OTUB1: variants seen among roughly 807,000 people sequenced by gnomAD.
The protein encoded by OTUB1 is OTU deubiquitinase, ubiquitin aldehyde binding 1.
In OTUB1, 10 loss-of-function variants were observed where a neutral mutation model predicts 35.8. The observed-to-expected ratio is 0.28, with a 90% CI of 0.17 to 0.47. OTUB1 has a LOEUF of 0.47. Among genes scored for constraint, OTUB1 ranks in the 20% least tolerant of loss-of-function variants. OTUB1 has a pLI of 0.99. For synonymous variants in OTUB1, 158 were observed against 143.8 expected (o/e 1.10, Z -0.71); for missense variants, 264 against 351.6 (o/e 0.75, Z 1.99).
chr11:63,992,154 C>G (rs1011008524), intron 3 of OTUB1, among the ~76,000 whole-genome samples: 1 of 151,422 alleles, frequency 6.6e-6, no homozygotes, highest in Non-Finnish European at 1.5e-5. Flanking sequence ...GTGGAGGTTG[C>G]GGTGAGCCGA....
rs1274054874 is a variant in OTUB1 at position 63,989,996 on chromosome 11, C to CAT, written c.219+1245_219+1246insTA. The CAT allele has an allele frequency of 1.4e-5, 2 of 143,846 alleles. 1 individual carries two copies. The highest frequency in any genetic ancestry group is 5.4e-5 in the African/African-American group (2 of 37,308). The allele number at this position is 143,846 out of a possible 1,614,324, so 8.9% of individuals were successfully genotyped here. A position where few individuals can be genotyped will look rare whatever the true frequency, so the allele number is the denominator to read the frequency against. On this transcript the variant is annotated intron_variant, in intron 3 of 6. Transcript: ENST00000538426. ...CGCTACTGCACTCCAGCCTGGGCGA[C>CAT]AGAGTGAGACTCCGTCTCAAAAAAA...
intron 3 of OTUB1, among the ~76,000 whole-genome samples, chr11:63,994,212 G>C (rs1942697612): frequency 6.6e-6 from 1 of 152,138 alleles, no homozygotes; most frequent in East Asian, 1.9e-4. Context: ...TCATGCCCGT[G>C]GTCACATGGC....
intron 4 of OTUB1, 57 bp downstream of exon 4, chr11:63,996,705 C>T (rs745606154): frequency 1.4e-5 from 23 of 1,613,364 alleles, no homozygotes; most frequent in African/African-American, 1.2e-4. Context: ...CCTCCCCGGG[C>T]GAGTAGGATG....
intron 1 of OTUB1, chr11:63,987,002 C>T (rs1166211205): frequency 1.3e-5 from 2 of 156,656 alleles, no homozygotes; most frequent in Non-Finnish European, 2.8e-5. Flanking sequence ...TGTGAGGGGC[C>T]TGCGGGATCT....
At position 63,997,849 on chromosome 11, in the gene OTUB1, C is replaced by T. The variant is rs1282055587; in HGVS notation, c.*303C>T. 11 of 682,418 alleles carry T rather than the reference C, an allele frequency of 1.6e-5. No individual in the cohort carries two copies. Among genetic ancestry groups the T allele is most frequent in the Non-Finnish European group, 2.9e-5 (11 of 374,668 alleles). The allele number at this position is 682,418 out of a possible 1,614,324, so 42.3% of individuals were successfully genotyped here. On this transcript the variant is annotated 3_prime_UTR_variant, in exon 7 of 7. Coordinates refer to ENST00000538426, the MANE Select transcript of OTUB1 (RefSeq NM_017670.3). ...TTTGAGGGGCCAGGCCTCTTGGAGG[C>T]CCCTCCTGCTTCGTTGGGTTCTGCT...
Position 63,996,944 on chromosome 11 carries a change from G to A in OTUB1, c.423+3G>A. 6.2e-7 allele frequency: 1 copy of A among 1,613,974 alleles called. No individual in the cohort carries two copies. Among genetic ancestry groups the A allele is most frequent in the Non-Finnish European group, 8.5e-7 (1 of 1,179,926 alleles). ...CAATTGAGGATTTCCACAACACGGT[G>A]AGCCCTGGTGCCTGTCTTGGGCTGG... is the stretch of plus-strand genomic sequence containing the variant. On this transcript the variant is annotated splice_donor_region_variant and intron_variant, in intron 5 of 6. Coordinates refer to ENST00000538426, the MANE Select transcript of OTUB1 (RefSeq NM_017670.3).
intron 1 of OTUB1, 22 bp from the exon 2 acceptor site, chr11:63,988,313 CTT>C (rs1942639016): frequency 1.3e-6 from 2 of 1,550,126 alleles, no homozygotes; most frequent in Non-Finnish European, 8.7e-7. Context: ...CCCCTGTAAT[CTT>C]TGGCTTTTTT....
rs1247098123 is a variant in OTUB1 at position 63,998,089 on chromosome 11, C to G, written c.*543C>G. On this transcript the variant is annotated 3_prime_UTR_variant, in exon 7 of 7. Transcript: ENST00000538426. ...GGAGGGGCCTTTGTGAGGCTGGACC[C>G]GGCTCAGGGCAGGTGGAGGAGCTGG... 2.7e-6 allele frequency: 1 copy of G among 373,344 alleles called. No individual in the cohort carries two copies. Among genetic ancestry groups the G allele is most frequent in the Non-Finnish European group, 5.0e-6 (1 of 201,740 alleles). 23.1% of individuals were successfully genotyped at this position (373,344 alleles called of 1,614,324 possible).
chr11:63,997,216 G>A lies in OTUB1; in HGVS notation c.590G>A (p.Gly197Glu). Residue 197 changes from glycine to glutamate, a missense_variant, in exon 6 of 7, where the codon GGA becomes GAA. This residue lies in a region of OTUB1 where 214 missense variants were observed against 317.1 expected (regional missense o/e 0.67). Transcript: ENST00000538426. ...SKFFEHFIEG[G>E]RTVKEFCQQE... is the part of the protein sequence containing the mutation. Reference sequence around the variant, plus strand: ...TTCTTCGAGCACTTCATCGAGGGTGGACGGACTGTCAAGGAGTTCTGCCAG... The same window carrying A: ...TTCTTCGAGCACTTCATCGAGGGTGAACGGACTGTCAAGGAGTTCTGCCAG... The A allele has an allele frequency of 6.2e-7, 1 of 1,614,220 alleles. No homozygotes were observed. Among genetic ancestry groups the A allele is most frequent in the Non-Finnish European group, 8.5e-7 (1 of 1,180,016 alleles).
intron 3 of OTUB1, among the ~76,000 whole-genome samples, chr11:63,995,933 G>A (rs1942712635): frequency 1.3e-5 from 2 of 152,088 alleles, no homozygotes; most frequent in African/African-American, 4.8e-5. Flanking sequence ...TTTGAACCCG[G>A]GAGGTGTAGG....
chr11:63,988,602 A>G (rs753897462), intron 2 of OTUB1, 52 bp from the exon 3 acceptor site: 3 of 1,408,242 alleles, frequency 2.1e-6, no homozygotes, highest in East Asian at 2.3e-5. Flanking sequence ...TCTGTTAGGC[A>G]TGGGTCACTC....
At chr11:63,994,427 AT>A (rs1256012235) in intron 3 of OTUB1, among the ~76,000 whole-genome samples, 1 of 152,008 alleles carries the variant, frequency 6.6e-6, no homozygotes, top group African/African-American at 2.4e-5. Context: ...TAATTTTTGT[AT>A]TTTTAGTAGA....
chr11:63,996,657 G>C lies in OTUB1; in HGVS notation c.338+9G>C. On this transcript the variant is annotated intron_variant, in intron 4 of 6. Transcript: ENST00000538426. Reference sequence around the variant, plus strand: ...AGCAAGGAGTTGCAGCGGTGAGAAGGGTGGGCACTGGGCACCGAGGCAGGT... The same window carrying C: ...AGCAAGGAGTTGCAGCGGTGAGAAGCGTGGGCACTGGGCACCGAGGCAGGT... 6.2e-7 allele frequency: 1 copy of C among 1,614,200 alleles called. No homozygotes were observed. Among genetic ancestry groups the C allele is most frequent in the East Asian group, 2.2e-5 (1 of 44,874 alleles).
intron 1 of OTUB1, 81 bp downstream of exon 1, chr11:63,986,595 C>A: frequency 7.6e-7 from 1 of 1,319,272 alleles, no homozygotes; most frequent in South Asian, 1.4e-5. Context: ...GGAGGGGAGG[C>A]AGGGCCGCTG....
intron 3 of OTUB1, among the ~76,000 whole-genome samples, chr11:63,995,157 C>T (rs1942705500): frequency 6.6e-6 from 1 of 152,130 alleles, no homozygotes; most frequent in African/African-American, 2.4e-5. Context: ...ACCTCAGCCT[C>T]TCGAGTGGCT....
rs1010671010 is a variant in OTUB1, at chr11:63,998,149, G to A, written c.*603G>A. 4 of 282,260 alleles carry A rather than the reference G, an allele frequency of 1.4e-5. No individual in the cohort carries two copies. The highest frequency in any genetic ancestry group is 2.7e-5 in the Non-Finnish European group (4 of 147,012). 17.5% of individuals were successfully genotyped at this position (282,260 alleles called of 1,614,324 possible). A position where few individuals can be genotyped will look rare whatever the true frequency, so the allele number is the denominator to read the frequency against. ...AGGGTGCCCGGGCAGTGCCATCCTGGTGGGGGAGGGCAGCCTTCAAACGTG... is the reference window on the plus strand; with the variant it reads ...AGGGTGCCCGGGCAGTGCCATCCTGATGGGGGAGGGCAGCCTTCAAACGTG... On this transcript the variant is annotated 3_prime_UTR_variant, in exon 7 of 7. Transcript: ENST00000538426.
At position 63,997,044 on chromosome 11, in the gene OTUB1, C is replaced by T; in HGVS notation, c.424-6C>T. 6.2e-7 allele frequency: 1 copy of T among 1,613,176 alleles called. No individual in the cohort carries two copies. Among genetic ancestry groups the T allele is most frequent in the South Asian group, 1.1e-5 (1 of 91,068 alleles). On this transcript the variant is annotated splice_polypyrimidine_tract_variant and splice_region_variant and intron_variant, in intron 5 of 6. Transcript: ENST00000538426. ...CATCTTGCCCTTTCTCCCTCCGTGG[C>T]TGCAGTTCATGGACCTGATTGAGCA...
At chr11:63,993,909 A>G (rs2134309266) in intron 3 of OTUB1, among the ~76,000 whole-genome samples, 1 of 152,164 alleles carries the variant, frequency 6.6e-6, no homozygotes, top group Admixed American at 6.5e-5. Context: ...GGCAGATCAC[A>G]TGAGCCCAGG....
At chr11:63,992,130 C>T (rs1038808036) in intron 3 of OTUB1, among the ~76,000 whole-genome samples, 4 of 151,904 alleles carry the variant, frequency 2.6e-5, no homozygotes, top group Non-Finnish European at 4.4e-5. Context: ...AGCAGAATCT[C>T]TTGAACCTGG....
Sources: allele counts gnomAD v4.1 joint callset (sites outside exome capture counted in the v4.1 genomes callset), GRCh38; gene constraint gnomAD v4.1.1; regional missense constraint gnomAD v4.1.1; transcripts MANE v1.5; gene names NCBI Gene and HGNC (gene_info 2026-07-23, HGNC 2026-07-21).